DDHD2: variants seen among roughly 807,000 people sequenced by gnomAD.
The protein encoded by DDHD2 is DDHD domain containing 2, also known as triacylglycerol hydrolase DDHD2.
In DDHD2, 62 loss-of-function variants were observed where a neutral mutation model predicts 91.2. The ratio of observed to expected loss-of-function variants is 0.68; its 90% confidence interval spans 0.55 to 0.84. The LOEUF (loss-of-function observed/expected upper bound fraction) is 0.84. DDHD2 is among the 40% of genes least tolerant of loss of function. DDHD2 has a pLI of 0.00. For missense variants in DDHD2, 740 were observed against 846.9 expected, an observed-to-expected ratio of 0.87 and a Z score of 1.57; for synonymous variants, 271 against 293.9, an observed-to-expected ratio of 0.92 and a Z score of 0.80.
At chr8:38,267,151 G>A, downstream of DDHD2, 1 of 1,581,270 alleles carries the variant, frequency 6.3e-7, no homozygotes. Flanking sequence ...AAGAAGGGGG[G>A]ATTTTCCAAA....
chr8:38,232,914 G>C, intron 1 of DDHD2, 73 bp from the exon 2 acceptor site: 2 of 987,774 alleles, frequency 2.0e-6, no homozygotes, highest in Non-Finnish European at 3.0e-6. Context: ...AAAATGATTA[G>C]TTTTGTGCGT....
At chr8:38,257,675 T>C (rs2130876058) in intron 16 of DDHD2, among the ~76,000 whole-genome samples, 1 of 149,804 alleles carries the variant, frequency 6.7e-6, no homozygotes, top group Admixed American at 6.6e-5. Context: ...TTTTTTTTTT[T>C]TTTTTTTGAG....
chr8:38,269,189 G>C, intron 1 of DDHD2: 1 of 1,501,770 alleles, frequency 6.7e-7, no homozygotes, highest in South Asian at 1.2e-5. Flanking sequence ...CGCCGCCGCC[G>C]CCTTCCCCAT....
At chr8:38,245,347 G>A (rs1441373656) in intron 7 of DDHD2, among the ~76,000 whole-genome samples, 2 of 151,692 alleles carry the variant, frequency 1.3e-5, no homozygotes, top group Non-Finnish European at 2.9e-5. Context: ...CAGGAGAATC[G>A]CTTGAACCTG....
At position 38,245,966 on chromosome 8, in the gene DDHD2, C is replaced by G. The variant is rs1245993830; in HGVS notation, c.1057+16C>G. On this transcript the variant is annotated intron_variant, in intron 8 of 17. Coordinates refer to ENST00000397166, the MANE Select transcript of DDHD2 (RefSeq NM_015214.3). ...CATAGTTTAGGTAACAAAATGAGTT[C>G]TGTGTGACCAGAGAAGACTATCACA... 1.9e-6 allele frequency: 3 copies of G among 1,600,898 alleles called. No homozygotes were observed. The highest frequency in any genetic ancestry group is 2.2e-5 in the East Asian group (1 of 44,844).
At chr8:38,233,453 T>C (rs2130735059) in intron 2 of DDHD2, among the ~76,000 whole-genome samples, 1 of 151,706 alleles carries the variant, frequency 6.6e-6, no homozygotes, top group East Asian at 1.9e-4. Context: ...TACCCAATAA[T>C]TTTTTTTTCC....
chr8:38,243,808 C>CT (rs747825792), intron 7 of DDHD2, among the ~76,000 whole-genome samples: 4,284 of 135,310 alleles, frequency 0.032, 68 homozygotes, highest in Non-Finnish European at 0.039. Flanking sequence ...TTTTTTTTAT[C>CT]TTTTTTTTTT....
At chr8:38,247,891 C>A in intron 10 of DDHD2, 56 bp downstream of exon 10, 4 of 1,387,056 alleles carry the variant, frequency 2.9e-6, no homozygotes, top group Non-Finnish European at 3.9e-6. Context: ...TTTTGTTTAT[C>A]GTGTTTACTA....
chr8:38,267,106 T>C, downstream of DDHD2: 1 of 1,480,084 alleles, frequency 6.8e-7, no homozygotes. Context: ...ACCCAAATAG[T>C]CAAGGCTCAG....
chr8:38,266,289 A>C (rs773236675), downstream of DDHD2: 4 of 1,613,314 alleles, frequency 2.5e-6, no homozygotes, highest in African/African-American at 4.0e-5. Context: ...AGAAGGACGC[A>C]AAGGCCAGAC....
intron 16 of DDHD2, chr8:38,255,293 GTATATAA>G: frequency 2.1e-6 from 1 of 475,412 alleles, no homozygotes. Context: ...ACTATCGTTT[GTATATAA>G]TATATACAGT....
rs761102128 is a variant in DDHD2, at chr8:38,252,234, G to C, written c.1564G>C (p.Asp522His). ...TACTGTCCGAGGACTAAAAAGAATT[G>C]ATCCCAACTACAGATTTCCAACGTG... ...FLTVRGLKRIDPNYRFPTCKG... is the reference protein window; with the variant it reads ...FLTVRGLKRIHPNYRFPTCKG... Residue 522 changes from aspartate (D) to histidine (H), a missense_variant, in exon 13 of 18, where the codon GAT becomes CAT. Asp to His is a moderately conservative substitution (Grantham distance 81, BLOSUM62 -1). This residue lies in a region of DDHD2 where 693 missense variants were observed against 764.2 expected (regional missense o/e 0.91). Transcript: ENST00000397166. The C allele has an allele frequency of 6.2e-7, 1 of 1,614,080 alleles. No homozygotes were observed. The highest frequency in any genetic ancestry group is 1.1e-5 in the South Asian group (1 of 91,064).
rs773065540 is a variant in DDHD2, at chr8:38,242,349, A to G, written c.812A>G (p.Asn271Ser). 2.5e-6 allele frequency: 4 copies of G among 1,611,304 alleles called. No individual in the cohort carries two copies. The highest frequency in any genetic ancestry group is 4.5e-5 in the East Asian group (2 of 44,782). ...GGGAGGGTAGAATTTCTTCCAGTCA[A>G]CTGGCACAGTCCTTTGCATTCTACT... is the stretch of plus-strand genomic sequence containing the variant. ...QIGRVEFLPV[N>S]WHSPLHSTGV... Residue 271 changes from asparagine (N) to serine (S), a missense_variant, in exon 7 of 18, where the codon AAC (asparagine) becomes AGC (serine). Asn to Ser is a conservative substitution (Grantham distance 46). This residue lies in a region of DDHD2 where 693 missense variants were observed against 764.2 expected (regional missense o/e 0.91). Transcript: ENST00000397166.
intron 13 of DDHD2, 146 bp downstream of exon 13, chr8:38,252,433 T>C: frequency 1.1e-6 from 1 of 940,442 alleles, no homozygotes; most frequent in African/African-American, 1.7e-5. Context: ...TTGGAAGTGA[T>C]GGAGCAGAAC....
downstream of DDHD2, chr8:38,267,037 A>G (rs1490678489): frequency 3.5e-6 from 5 of 1,411,292 alleles, no homozygotes; most frequent in Middle Eastern, 5.2e-4. Context: ...GGCAAATAAT[A>G]TAACAATTAA....
At chr8:38,264,870 T>C, downstream of DDHD2, 1 of 1,610,614 alleles carries the variant, frequency 6.2e-7, no homozygotes, top group Non-Finnish European at 8.5e-7. Context: ...GTGTACTAAA[T>C]TAGAATTTTT....
chr8:38,238,202 T>A lies in DDHD2; in HGVS notation c.615T>A (p.Ile205=). 1 of 1,613,928 alleles carries A rather than the reference T, an allele frequency of 6.2e-7. No homozygotes were observed. The highest frequency in any genetic ancestry group is 8.5e-7 in the Non-Finnish European group (1 of 1,179,834). The part of the protein sequence containing the change: ...KRGVENISVD[I]HCGEPLQIDH... ...GAGTTGAGAACATCTCTGTTGACAT[T>A]CATTGTGGTAATGTTAATCGTTTAT... Residue 205 remains isoleucine (I), a synonymous_variant, in exon 5 of 18, where the codon ATT becomes ATA. Coordinates refer to ENST00000397166, the MANE Select transcript of DDHD2 (RefSeq NM_015214.3).
rs986372466 is a variant in DDHD2 at position 38,239,983 on chromosome 8, A to C, written c.623-292A>C. On this transcript the variant is annotated intron_variant, in intron 5 of 17. Transcript: ENST00000397166. ...CATGATCTACCTGCCTTGGCCTCCC[A>C]AAGTGCTGGGATTACAGCCGTGAGC... 4.6e-5 allele frequency among the ~76,000 whole-genome samples: 7 copies of C among 152,002 alleles called. No individual in the cohort carries two copies. In the South Asian group the frequency reaches 1.2e-3, roughly 27 times the overall value.
chr8:38,252,335 T>C (rs750604063), intron 13 of DDHD2, 48 bp downstream of exon 13: 2 of 1,550,984 alleles, frequency 1.3e-6, no homozygotes, highest in Non-Finnish European at 1.7e-6. Context: ...TCAGGGCTTA[T>C]TGTTAAAGAA....
Sources: allele counts gnomAD v4.1 joint callset (sites outside exome capture counted in the v4.1 genomes callset), GRCh38; gene constraint gnomAD v4.1.1; regional missense constraint gnomAD v4.1.1; transcripts MANE v1.5; gene names NCBI Gene and HGNC (gene_info 2026-07-23, HGNC 2026-07-21).